ANTXR1: variants seen among roughly 807,000 people sequenced by gnomAD.
The protein encoded by ANTXR1 is ANTXR cell adhesion molecule 1, also known as anthrax toxin receptor 1.
ANTXR1 carries 19 observed loss-of-function variants against 78.1 expected under a neutral mutation model. The ratio of observed to expected loss-of-function variants is 0.24; its 90% confidence interval spans 0.17 to 0.36. ANTXR1 has a LOEUF of 0.36. ANTXR1 is among the 10% of genes least tolerant of loss of function. ANTXR1 has a pLI of 1.00. For synonymous variants in ANTXR1, 273 were observed against 260.5 expected, an observed-to-expected ratio of 1.05 and a Z score of -0.46; for missense variants, 518 against 718.6, an observed-to-expected ratio of 0.72 and a Z score of 3.19.
chr2:69,072,508 TA>T (rs1670597907), intron 5 of ANTXR1, among the ~76,000 whole-genome samples: 1 of 152,204 alleles, frequency 6.6e-6, no homozygotes, highest in Non-Finnish European at 1.5e-5. Flanking sequence ...ATGAGAAGCC[TA>T]AAAATCACTG....
At chr2:69,168,356 A>G (rs975792656) in intron 13 of ANTXR1, among the ~76,000 whole-genome samples, 2 of 152,238 alleles carry the variant, frequency 1.3e-5, no homozygotes, top group African/African-American at 2.4e-5. Flanking sequence ...ACTTCATTTA[A>G]CAAATGAGGA....
At chr2:69,111,550 T>C (rs746937930) in intron 10 of ANTXR1, among the ~76,000 whole-genome samples, 4 of 152,258 alleles carry the variant, frequency 2.6e-5, no homozygotes, top group Non-Finnish European at 4.4e-5. Flanking sequence ...CATTATATTA[T>C]AGGCACACTT....
intron 17 of ANTXR1, among the ~76,000 whole-genome samples, chr2:69,243,429 A>C (rs1441068576): frequency 6.6e-6 from 1 of 152,138 alleles, no homozygotes; most frequent in Non-Finnish European, 1.5e-5. Flanking sequence ...TAACTAGAGA[A>C]CTCAAGGAAG....
At chr2:69,015,229 T>C (rs1670987319) in intron 1 of ANTXR1, among the ~76,000 whole-genome samples, 1 of 148,162 alleles carries the variant, frequency 6.7e-6, no homozygotes, top group African/African-American at 2.5e-5. Context: ...AGAGTTTGTT[T>C]TGATGATAAG....
chr2:69,173,897 G>A (rs1437211096), intron 14 of ANTXR1, among the ~76,000 whole-genome samples: 3 of 152,218 alleles, frequency 2.0e-5, no homozygotes, highest in Admixed American at 2.0e-4. Flanking sequence ...CAAAGGCATA[G>A]CTCTGGAAAC....
intron 17 of ANTXR1, among the ~76,000 whole-genome samples, chr2:69,243,550 C>T (rs1169608470): frequency 6.6e-6 from 1 of 152,150 alleles, no homozygotes; most frequent in African/African-American, 2.4e-5. Flanking sequence ...GGAAGGTTTG[C>T]TCAGCATGTG....
chr2:69,049,704 GTGAT>G (rs1669874914), intron 3 of ANTXR1, among the ~76,000 whole-genome samples: 1 of 152,146 alleles, frequency 6.6e-6, no homozygotes, highest in South Asian at 2.1e-4. Flanking sequence ...TGTAGTATCT[GTGAT>G]TAATTCTGTC....
intron 8 of ANTXR1, among the ~76,000 whole-genome samples, chr2:69,089,315 T>A (rs1020117687): frequency 1.3e-5 from 2 of 152,240 alleles, no homozygotes; most frequent in African/African-American, 2.4e-5. Context: ...TTCTTAAGCA[T>A]GTTTGTTCAT....
At chr2:69,165,946 A>T (rs1046262837) in intron 13 of ANTXR1, among the ~76,000 whole-genome samples, 1 of 152,250 alleles carries the variant, frequency 6.6e-6, no homozygotes, top group African/African-American at 2.4e-5. Flanking sequence ...TAAAAAAATA[A>T]AATGAATTAT....
At chr2:69,095,006 A>G (rs983388885) in intron 9 of ANTXR1, among the ~76,000 whole-genome samples, 1 of 152,204 alleles carries the variant, frequency 6.6e-6, no homozygotes, top group African/African-American at 2.4e-5. Flanking sequence ...GGGTGCATCA[A>G]TAACCATCCA....
At position 69,181,810 on chromosome 2, in the gene ANTXR1, A is replaced by G; in HGVS notation, c.1114A>G (p.Lys372Glu). 1 of 1,614,164 alleles carries G rather than the reference A, an allele frequency of 6.2e-7. No homozygotes were observed. The highest frequency in any genetic ancestry group is 8.5e-7 in the Non-Finnish European group (1 of 1,180,002). The change falls in exon 15 of 18, where the codon AAG becomes GAG. Residue 372 changes from lysine (K) to glutamate (E), a missense_variant. Around this residue, in one of 5 missense-constraint regions of ANTXR1, gnomAD observed 264 missense variants for 391.8 expected, o/e 0.67. Transcript: ENST00000303714. ...SEEEDDDGLP[K>E]KKWPTVDASY... is the part of the protein sequence containing the mutation. ...GGAAGAAGATGATGATGGTCTGCCT[A>G]AGAAAAAGTGGCCAACGGTAGACGC... is the stretch of plus-strand genomic sequence containing the variant.
chr2:69,047,457 G>T (rs376317091), intron 3 of ANTXR1, among the ~76,000 whole-genome samples: 133 of 152,170 alleles, frequency 8.7e-4, no homozygotes, highest in African/African-American at 2.9e-3. Context: ...TTGAATCATT[G>T]TTATATATGG....
intron 12 of ANTXR1, among the ~76,000 whole-genome samples, chr2:69,126,022 GGAA>G (rs2104385217): frequency 6.6e-6 from 1 of 152,256 alleles, no homozygotes; most frequent in East Asian, 1.9e-4. Context: ...GTTGGCCTTT[GGAA>G]GCTGTGTTGT....
intron 17 of ANTXR1, among the ~76,000 whole-genome samples, chr2:69,196,297 T>TA (rs1286529833): frequency 2.0e-5 from 3 of 152,280 alleles, no homozygotes; most frequent in African/African-American, 7.2e-5. Context: ...TCAACACTGT[T>TA]ACAAATTATG....
Position 69,013,876 on chromosome 2 carries a change from G to A in ANTXR1, c.152+225G>A, listed in dbSNP as rs1415909716. Among the ~76,000 whole-genome samples the A allele has an allele frequency of 6.6e-6, 1 of 152,198 alleles. No homozygotes were observed. Among genetic ancestry groups the A allele is most frequent in the Non-Finnish European group, 1.5e-5 (1 of 68,030 alleles). The stretch of plus-strand genomic sequence containing the variant: ...CCGAGGCGACGCCGCTTGCTCGGAA[G>A]GGGACAGACTTCTTTTCTGTCTTGC... On this transcript the variant is annotated intron_variant, in intron 1 of 17. Transcript: ENST00000303714. This position sits in a 1 kb window ranked among gnomAD's most constrained non-coding sequence, Gnocchi z 5.0.
intron 1 of ANTXR1, among the ~76,000 whole-genome samples, chr2:69,033,624 A>G (rs1360947936): frequency 1.3e-5 from 2 of 152,174 alleles, no homozygotes; most frequent in East Asian, 1.9e-4. Flanking sequence ...ACATGTCTGT[A>G]TCCTTCCAGG....
At chr2:69,041,588 C>A (rs1252336011) in intron 2 of ANTXR1, among the ~76,000 whole-genome samples, 1 of 152,182 alleles carries the variant, frequency 6.6e-6, no homozygotes, top group Non-Finnish European at 1.5e-5. Flanking sequence ...AATTCACCAA[C>A]CTTGGCTGAA....
chr2:69,180,766 G>A (rs542572210), intron 14 of ANTXR1, among the ~76,000 whole-genome samples: 6 of 152,314 alleles, frequency 3.9e-5, no homozygotes, highest in African/African-American at 1.4e-4. Flanking sequence ...CAGATATTAA[G>A]TAAATATCAA....
chr2:69,112,101 G>C (rs535845630), intron 10 of ANTXR1, among the ~76,000 whole-genome samples: 2 of 152,158 alleles, frequency 1.3e-5, no homozygotes, highest in South Asian at 2.1e-4. Context: ...GTAAAGGAGC[G>C]TACAGTCTCA....
Sources: gnomAD v4.1 joint callset for allele counts (sites outside exome capture counted in the v4.1 genomes callset) on GRCh38, gnomAD v4.1.1 for gene constraint, gnomAD v4.1.1 regional missense constraint, Gnocchi (gnomAD v3.1) non-coding constraint, MANE v1.5 for transcripts, NCBI Gene and HGNC (gene_info 2026-07-23, HGNC 2026-07-21) for gene names.